LRP1B: variants seen among roughly 807,000 people sequenced by gnomAD.
The protein encoded by LRP1B is low-density lipoprotein receptor-related protein 1B.
In LRP1B, 217 loss-of-function variants were observed where a neutral mutation model predicts 556.6. The observed-to-expected ratio is 0.39, with a 90% confidence interval of 0.35 to 0.44. The LOEUF is 0.44. Among genes scored for constraint, LRP1B ranks in the 20% least tolerant of loss-of-function variants. The pLI, the probability that LRP1B is intolerant of heterozygous loss-of-function variation, is 1.00. For missense variants in LRP1B, 5,053 were observed against 5,620.8 expected (o/e 0.90, Z 3.23); for synonymous variants, 2,047 against 1,865.8 (o/e 1.10, Z -2.50).
At chr2:141,393,304 C>T (rs945352970) in intron 3 of LRP1B, among the ~76,000 whole-genome samples, 2 of 152,072 alleles carry the variant, frequency 1.3e-5, no homozygotes, top group Non-Finnish European at 1.5e-5. Flanking sequence ...AAAACTCTAA[C>T]AGCACCGCAA....
intron 43 of LRP1B, among the ~76,000 whole-genome samples, chr2:140,575,315 G>T (rs1681476506): frequency 6.6e-6 from 1 of 152,092 alleles, no homozygotes; most frequent in African/African-American, 2.4e-5. Context: ...TAAACTAAAT[G>T]CTAACTCTCC....
rs1261237062 is a variant in LRP1B, at chr2:140,898,783, G to A, written c.3766+4137C>T. The A allele has an allele frequency of 3.1e-5, 18 of 571,758 alleles. No individual in the cohort carries two copies. In the East Asian group the frequency reaches 7.0e-4, roughly 22 times the overall value. The allele number at this position is 571,758 out of a possible 1,614,324, so 35.4% of individuals were successfully genotyped here. On this transcript the variant is annotated intron_variant, in intron 23 of 90. Coordinates refer to ENST00000389484, the MANE Select transcript of LRP1B (RefSeq NM_018557.3). ...CTGAGCCTCTCTGGGAACCAACTGG[G>A]AGCGCTATCACCCAACTTTGTAGCC...
intron 90 of LRP1B, among the ~76,000 whole-genome samples, chr2:140,233,606 A>T (rs973762360): frequency 9.3e-5 from 14 of 151,222 alleles, no homozygotes; most frequent in South Asian, 4.1e-4. Context: ...AATCTTTGTA[A>T]AAGCTATGTT....
intron 2 of LRP1B, among the ~76,000 whole-genome samples, chr2:141,654,465 T>C (rs193194000): frequency 1.3e-5 from 2 of 152,184 alleles, no homozygotes; most frequent in East Asian, 3.9e-4. Context: ...TGTGAACAGG[T>C]GTGTTCCTGG....
rs760722599 is a variant in LRP1B at position 140,444,547 on chromosome 2, G to T, written c.10174+16C>A. On this transcript the variant is annotated intron_variant, in intron 64 of 90. Coordinates refer to ENST00000389484, the MANE Select transcript of LRP1B (RefSeq NM_018557.3). ...AATTAGACTTATGTTCATTAGTTAGGAATTTAATCACCTACCACAGTTGAG... is the reference window on the plus strand; with the variant it reads ...AATTAGACTTATGTTCATTAGTTAGTAATTTAATCACCTACCACAGTTGAG... 4.0e-5 allele frequency: 64 copies of T among 1,611,344 alleles called. No homozygotes were observed. The highest frequency in any genetic ancestry group is 5.4e-5 in the Non-Finnish European group (64 of 1,177,816).
At chr2:140,719,302 A>G (rs1391194652) in intron 35 of LRP1B, among the ~76,000 whole-genome samples, 1 of 152,150 alleles carries the variant, frequency 6.6e-6, no homozygotes, top group Non-Finnish European at 1.5e-5. Context: ...AGGTATACAC[A>G]TGAAGAAATG....
At chr2:140,281,623 G>T (rs546693273) in intron 84 of LRP1B, among the ~76,000 whole-genome samples, 1 of 151,728 alleles carries the variant, frequency 6.6e-6, no homozygotes, top group African/African-American at 2.4e-5. Context: ...AATAAATTTT[G>T]TGAAATGGTT....
chr2:141,636,845 A>C (rs1689122608), intron 2 of LRP1B, among the ~76,000 whole-genome samples: 1 of 152,156 alleles, frequency 6.6e-6, no homozygotes, highest in Non-Finnish European at 1.5e-5. Context: ...TCACAGAACA[A>C]TACATATGGT....
At chr2:141,804,035 A>C (rs893925454) in intron 2 of LRP1B, among the ~76,000 whole-genome samples, 1 of 152,110 alleles carries the variant, frequency 6.6e-6, no homozygotes, top group African/African-American at 2.4e-5. Context: ...CTAGTACCCA[A>C]GAGACTTGTT....
intron 72 of LRP1B, among the ~76,000 whole-genome samples, chr2:140,362,936 C>A (rs1448607381): frequency 1.3e-5 from 2 of 151,526 alleles, no homozygotes; most frequent in Non-Finnish European, 3.0e-5. Flanking sequence ...CCAAAATAAT[C>A]ATGGTCTCTT....
intron 3 of LRP1B, among the ~76,000 whole-genome samples, chr2:141,360,217 G>A (rs1222855773): frequency 2.0e-5 from 3 of 152,148 alleles, no homozygotes; most frequent in Admixed American, 6.5e-5. Flanking sequence ...AAAAGCAATC[G>A]TTGTAAGCCA....
chr2:140,284,847 C>A (rs1299918647), intron 84 of LRP1B, among the ~76,000 whole-genome samples: 1 of 150,686 alleles, frequency 6.6e-6, no homozygotes, highest in African/African-American at 2.4e-5. Context: ...CTTGCTACCA[C>A]CCCAGTGTAG....
intron 2 of LRP1B, among the ~76,000 whole-genome samples, chr2:141,648,808 C>T (rs1224546410): frequency 6.6e-6 from 1 of 152,164 alleles, no homozygotes; most frequent in Non-Finnish European, 1.5e-5. Flanking sequence ...TTGCCAAAGC[C>T]TTCGAGGACA....
chr2:140,337,395 T>C (rs1032574489), intron 77 of LRP1B, among the ~76,000 whole-genome samples: 1 of 151,990 alleles, frequency 6.6e-6, no homozygotes, highest in Non-Finnish European at 1.5e-5. Context: ...AAATGTCATA[T>C]AAATAATATT....
At chr2:141,696,031 T>C (rs1008184217) in intron 2 of LRP1B, among the ~76,000 whole-genome samples, 2 of 151,982 alleles carry the variant, frequency 1.3e-5, no homozygotes, top group African/African-American at 2.4e-5. Context: ...TTTATACAAA[T>C]CTATAATTCA....
chr2:140,278,661 G>A (rs2104960965), intron 84 of LRP1B, among the ~76,000 whole-genome samples: 1 of 152,024 alleles, frequency 6.6e-6, no homozygotes, highest in South Asian at 2.1e-4. Context: ...ATAAAATTGG[G>A]AAATAAGCAA....
chr2:141,897,773 G>T (rs1699497515), intron 1 of LRP1B, among the ~76,000 whole-genome samples: 1 of 152,072 alleles, frequency 6.6e-6, no homozygotes, highest in South Asian at 2.1e-4. Context: ...AGCTCAGCTT[G>T]TCCAGCAGTC....
chr2:141,891,020 C>G (rs1699273415), intron 1 of LRP1B, among the ~76,000 whole-genome samples: 1 of 152,088 alleles, frequency 6.6e-6, no homozygotes, highest in South Asian at 2.1e-4. Flanking sequence ...GGAATAATGA[C>G]CTACTTTTTA....
chr2:141,133,636 C>T (rs1701417984), intron 7 of LRP1B, among the ~76,000 whole-genome samples: 1 of 151,994 alleles, frequency 6.6e-6, no homozygotes. Flanking sequence ...GAAGGAATAG[C>T]TTTTGCTTCT....
Sources: allele counts gnomAD v4.1 joint callset (sites outside exome capture counted in the v4.1 genomes callset), GRCh38; gene constraint gnomAD v4.1.1; transcripts MANE v1.5; gene names NCBI Gene and HGNC (gene_info 2026-07-23, HGNC 2026-07-21).